The following PAPPA variants were observed in gnomAD, a reference collection of about 807,000 sequenced individuals.
PAPPA encodes the protein pappalysin-1.
PAPPA carries 60 observed loss-of-function variants against 164.0 expected under a neutral mutation model. The ratio of observed to expected loss-of-function variants is 0.37; its 90% confidence interval spans 0.30 to 0.45. The LOEUF is 0.45. PAPPA is among the 20% of genes least tolerant of loss of function. The pLI is 1.00. For missense variants in PAPPA, 1,782 were observed against 2,087.3 expected, an observed-to-expected ratio of 0.85 and a Z score of 2.85; for synonymous variants, 875 against 814.1, an observed-to-expected ratio of 1.07 and a Z score of -1.27.
intron 4 of PAPPA, among the ~76,000 whole-genome samples, chr9:116,214,699 C>T (rs1844349530): frequency 6.6e-6 from 1 of 152,230 alleles, no homozygotes; most frequent in African/African-American, 2.4e-5. Context: ...GTAGCAGACC[C>T]AGTTCCACTT....
Position 116,366,342 on chromosome 9 carries a change from A to C in PAPPA, c.4496-1303A>C, listed in dbSNP as rs764802494. Among the ~76,000 whole-genome samples the C allele has an allele frequency of 1.4e-3, 214 of 152,120 alleles. 4 individuals are homozygous for C. Among genetic ancestry groups the C allele is most frequent in the Non-Finnish European group, 5.0e-4 (34 of 68,012 alleles). ...CCTGGAAGTCAACTGTCTTCACCCA[A>C]AAGTTCCTGGACCAAGGGCTTCTAT... On this transcript the variant is annotated intron_variant, in intron 18 of 21. Transcript: ENST00000328252.
chr9:116,380,468 T>C (rs764217021), intron 20 of PAPPA, among the ~76,000 whole-genome samples: 6 of 152,214 alleles, frequency 3.9e-5, no homozygotes, highest in Non-Finnish European at 8.8e-5. Flanking sequence ...TACTTCTTTA[T>C]CAAGCCAGTT....
At chr9:116,299,898 G>A (rs1309071357) in intron 9 of PAPPA, among the ~76,000 whole-genome samples, 1 of 148,450 alleles carries the variant, frequency 6.7e-6, no homozygotes, top group African/African-American at 2.5e-5. Flanking sequence ...TTTTTCAGAT[G>A]AGGAAAATGA....
intron 10 of PAPPA, among the ~76,000 whole-genome samples, chr9:116,308,396 AT>A (rs1396765331): frequency 1.2e-4 from 19 of 152,210 alleles, no homozygotes; most frequent in Admixed American, 2.6e-4. Context: ...TAAAAATAGC[AT>A]TTATCAACTT....
intron 17 of PAPPA, among the ~76,000 whole-genome samples, chr9:116,358,894 A>G (rs559715129): frequency 6.6e-6 from 1 of 152,304 alleles, no homozygotes; most frequent in Non-Finnish European, 1.5e-5. Context: ...TCTCTTAGAG[A>G]CAGTACAGCA....
At chr9:116,305,166 C>CAT (rs2118896457) in intron 10 of PAPPA, among the ~76,000 whole-genome samples, 1 of 151,206 alleles carries the variant, frequency 6.6e-6, no homozygotes, top group East Asian at 2.0e-4. Context: ...CACACACACA[C>CAT]ACACACACAC....
Position 116,170,957 on chromosome 9 carries a change from G to A in PAPPA, c.416-16197G>A, listed in dbSNP as rs181574091. On this transcript the variant is annotated intron_variant, in intron 1 of 21. Transcript: ENST00000328252. ...TAGTAGAGTGTGAAAACCACTCATT[G>A]AAAACTAATTTGAAAAGTTAAAGTG... Among the ~76,000 whole-genome samples, 33 of 152,050 alleles carry A rather than the reference G, an allele frequency of 2.2e-4. No homozygotes were observed. In the East Asian group the frequency reaches 6.4e-3, roughly 29 times the overall value.
intron 2 of PAPPA, among the ~76,000 whole-genome samples, chr9:116,205,465 A>C (rs986958571): frequency 1.3e-5 from 2 of 152,134 alleles, no homozygotes; most frequent in Admixed American, 1.3e-4. Flanking sequence ...AGAAAATAAT[A>C]AATTATGTGG....
chr9:116,371,759 T>A (rs1401613560), intron 19 of PAPPA, among the ~76,000 whole-genome samples: 1 of 152,152 alleles, frequency 6.6e-6, no homozygotes, highest in Non-Finnish European at 1.5e-5. Flanking sequence ...TAAATTGTTT[T>A]GGGTACACTC....
At chr9:116,288,175 C>T (rs1845364589) in intron 9 of PAPPA, among the ~76,000 whole-genome samples, 1 of 152,086 alleles carries the variant, frequency 6.6e-6, no homozygotes, top group Non-Finnish European at 1.5e-5. Flanking sequence ...TTAAGACAAG[C>T]CTGACAAACA....
chr9:116,234,845 C>A (rs1844640310), intron 6 of PAPPA, among the ~76,000 whole-genome samples: 1 of 152,164 alleles, frequency 6.6e-6, no homozygotes, highest in Admixed American at 6.5e-5. Flanking sequence ...TCTTAGGCAG[C>A]ACAGCCTCCT....
intron 19 of PAPPA, among the ~76,000 whole-genome samples, chr9:116,368,699 A>G (rs188792856): frequency 6.6e-6 from 1 of 152,256 alleles, no homozygotes; most frequent in East Asian, 1.9e-4. Flanking sequence ...CGAAAGAAGG[A>G]GGCCGGGGTT....
At position 116,331,468 on chromosome 9, in the gene PAPPA, G is replaced by C. The variant is rs1405063558; in HGVS notation, c.3261+111G>C. ...TGTCTACCTGCTGAGGGTGTTAATT[G>C]TAAGAACAGGGAACAAAACACTTAG... On this transcript the variant is annotated intron_variant, in intron 11 of 21. Coordinates refer to ENST00000328252, the MANE Select transcript of PAPPA (RefSeq NM_002581.5). 2.0e-5 allele frequency: 14 copies of C among 687,204 alleles called. No individual in the cohort carries two copies. The South Asian group carries it at 2.4e-4, about 12-fold the overall frequency. 42.6% of individuals were successfully genotyped at this position (687,204 alleles called of 1,614,324 possible). A position where few individuals can be genotyped will look rare whatever the true frequency, so the allele number is the denominator to read the frequency against.
chr9:116,310,285 G>A (rs1845700115), intron 10 of PAPPA, among the ~76,000 whole-genome samples: 1 of 152,166 alleles, frequency 6.6e-6, no homozygotes, highest in African/African-American at 2.4e-5. Context: ...GGTGGAAGGA[G>A]GAAAGGCGAA....
At chr9:116,291,813 ATTTTATT>A (rs1389896933) in intron 9 of PAPPA, among the ~76,000 whole-genome samples, 1 of 151,458 alleles carries the variant, frequency 6.6e-6, no homozygotes, top group Admixed American at 6.6e-5. Context: ...ATAAATAAAT[ATTTTATT>A]TTTTATTTTA....
intron 21 of PAPPA, among the ~76,000 whole-genome samples, chr9:116,384,320 G>A (rs1017777658): frequency 1.3e-4 from 20 of 148,904 alleles, no homozygotes; most frequent in African/African-American, 4.9e-4. Flanking sequence ...CAGGTATGGA[G>A]GCACAGGTCT....
chr9:116,270,723 C>T (rs765335425), intron 8 of PAPPA, among the ~76,000 whole-genome samples: 1 of 152,090 alleles, frequency 6.6e-6, no homozygotes, highest in Non-Finnish European at 1.5e-5. Flanking sequence ...ACAAAGGGGG[C>T]ATTAGTATTT....
chr9:116,337,936 C>A (rs1319690701), intron 13 of PAPPA, among the ~76,000 whole-genome samples: 1 of 152,142 alleles, frequency 6.6e-6, no homozygotes, highest in Non-Finnish European at 1.5e-5. Context: ...TTGTGCAATT[C>A]TAGCCAAATC....
intron 1 of PAPPA, among the ~76,000 whole-genome samples, chr9:116,165,549 T>C (rs190460695): frequency 6.6e-6 from 1 of 152,312 alleles, no homozygotes; most frequent in Admixed American, 6.5e-5. Flanking sequence ...AGTATTATAA[T>C]GCCCACTTCT....
Sources: allele counts gnomAD v4.1 joint callset (sites outside exome capture counted in the v4.1 genomes callset), GRCh38; gene constraint gnomAD v4.1.1; transcripts MANE v1.5; gene names NCBI Gene and HGNC (gene_info 2026-07-23, HGNC 2026-07-21).